C8orf34: variants seen among roughly 807,000 people sequenced by gnomAD.
The protein encoded by C8orf34 is chromosome 8 open reading frame 34, also known as uncharacterized protein C8orf34.
A neutral mutation model predicts 68.3 loss-of-function variants in C8orf34; 65 were observed. The ratio of observed to expected loss-of-function variants is 0.95; its 90% CI spans 0.78 to 1.17. The LOEUF (loss-of-function observed/expected upper bound fraction) is 1.17. Ranked by LOEUF, C8orf34 falls within the 50% of genes most tolerant of loss-of-function variation. The pLI is 0.00. For missense variants in C8orf34, 664 were observed against 655.4 expected, an observed-to-expected ratio of 1.01 and a Z score of -0.14; for synonymous variants, 244 against 241.2, an observed-to-expected ratio of 1.01 and a Z score of -0.11.
At chr8:68,456,375 G>A (rs1211869177) in intron 3 of C8orf34, among the ~76,000 whole-genome samples, 1 of 152,172 alleles carries the variant, frequency 6.6e-6, no homozygotes, top group Non-Finnish European at 1.5e-5. Context: ...GAGCTTGGTA[G>A]AATGTAATAT....
chr8:68,791,184 C>T, intron 12 of C8orf34: 2 of 408,474 alleles, frequency 4.9e-6, no homozygotes, highest in Non-Finnish European at 8.6e-6. Context: ...CACAGTTCCC[C>T]ATGTCTGGGG....
chr8:68,520,509 G>A (rs1425066469), intron 5 of C8orf34, among the ~76,000 whole-genome samples: 8 of 152,008 alleles, frequency 5.3e-5, no homozygotes, highest in Admixed American at 3.9e-4. Context: ...GGAGTGCAGT[G>A]GCACGATCTC....
At chr8:68,642,961 G>T (rs1819055649) in intron 8 of C8orf34, among the ~76,000 whole-genome samples, 1 of 152,186 alleles carries the variant, frequency 6.6e-6, no homozygotes, top group African/African-American at 2.4e-5. Flanking sequence ...ATCTATGGCT[G>T]ATCTGACAGG....
chr8:68,481,853 A>G (rs919711805), intron 4 of C8orf34, among the ~76,000 whole-genome samples: 1 of 152,164 alleles, frequency 6.6e-6, no homozygotes, highest in African/African-American at 2.4e-5. Context: ...TGTAGAAGGG[A>G]CTTGCCTTGT....
intron 1 of C8orf34, among the ~76,000 whole-genome samples, chr8:68,349,251 A>C (rs1432877991): frequency 6.6e-6 from 1 of 151,846 alleles, no homozygotes; most frequent in Admixed American, 6.6e-5. Flanking sequence ...TTTTGTCTTT[A>C]GTTCTGTTTA....
intron 7 of C8orf34, among the ~76,000 whole-genome samples, chr8:68,575,370 A>G (rs571597003): frequency 6.6e-6 from 1 of 152,170 alleles, no homozygotes; most frequent in East Asian, 1.9e-4. Context: ...TCTTCAGTTT[A>G]TATTGCAACA....
chr8:68,507,769 C>A (rs948599131), intron 5 of C8orf34, among the ~76,000 whole-genome samples: 1 of 152,166 alleles, frequency 6.6e-6, no homozygotes, highest in East Asian at 1.9e-4. Flanking sequence ...CAGGCTGATG[C>A]TTTTGTCAAT....
At chr8:68,603,521 A>ATATCTATCTTTCTATC (rs1817761640) in intron 7 of C8orf34, among the ~76,000 whole-genome samples, 1 of 140,492 alleles carries the variant, frequency 7.1e-6, no homozygotes, top group Non-Finnish European at 1.5e-5. Context: ...ATATATACAT[A>ATATCTATCTTTCTATC]TATCTATCTA....
chr8:68,413,205 C>T (rs2129622392), intron 1 of C8orf34, among the ~76,000 whole-genome samples: 1 of 152,272 alleles, frequency 6.6e-6, no homozygotes, highest in East Asian at 1.9e-4. Context: ...TTTCACGTTT[C>T]CCTTTTCTCA....
rs116937749 is a variant in C8orf34, at chr8:68,609,250, T to C, written c.1106-31126T>C. 8.5e-3 allele frequency among the ~76,000 whole-genome samples: 1,298 copies of C among 151,906 alleles called. 12 individuals are homozygous for C. Among genetic ancestry groups the C allele is most frequent in the Middle Eastern group, 0.031 (9 of 292 alleles). ...AGGAGAGTTGAGAGTGGAATAGGAG[T>C]CAAAACAATCCCTAACTTCTGTGTT... On this transcript the variant is annotated intron_variant, in intron 7 of 13. Transcript: ENST00000518698.
At position 68,446,468 on chromosome 8, in the gene C8orf34, A is replaced by C; in HGVS notation, c.607+8A>C. The C allele has an allele frequency of 6.2e-7, 1 of 1,609,596 alleles. No individual in the cohort carries two copies. The highest frequency in any genetic ancestry group is 1.3e-5 in the African/African-American group (1 of 74,804). On this transcript the variant is annotated splice_region_variant and intron_variant, in intron 3 of 13. Transcript: ENST00000518698. ...CACCGGACTCCAAATCATGTAAGGA[A>C]GTCTCTTATTCAAATGCTATTCAAA...
At chr8:68,774,325 G>GTATATATATATATATATATA in intron 10 of C8orf34, among the ~76,000 whole-genome samples, 1 of 39,250 alleles carries the variant, frequency 2.5e-5, no homozygotes, top group South Asian at 6.7e-4. Flanking sequence ...AAATATGGGT[G>GTATATATATATATATATATA]TGTGTGTATA....
chr8:68,549,600 T>G (rs1352233552), intron 7 of C8orf34, among the ~76,000 whole-genome samples: 1 of 151,784 alleles, frequency 6.6e-6, no homozygotes. Context: ...TATATAAAAA[T>G]CATGTCTGCA....
At position 68,727,532 on chromosome 8, in the gene C8orf34, T is replaced by C. The variant is rs541345115; in HGVS notation, c.1404+6095T>C. Among the ~76,000 whole-genome samples the C allele has an allele frequency of 1.3e-4, 20 of 152,334 alleles. No individual in the cohort carries two copies. In the East Asian group the frequency reaches 3.5e-3, roughly 26 times the overall value. ...CCCAGTAGGGACTCTGTGTGGGGGC[T>C]CCACCCCTACATTTCCCTTCTGCAC... On this transcript the variant is annotated intron_variant, in intron 10 of 13. Coordinates refer to ENST00000518698, the MANE Select transcript of C8orf34 (RefSeq NM_052958.4).
intron 1 of C8orf34, among the ~76,000 whole-genome samples, chr8:68,355,407 C>A (rs1489859093): frequency 6.6e-6 from 1 of 152,094 alleles, no homozygotes; most frequent in African/African-American, 2.4e-5. Context: ...TCTTCATCTG[C>A]AAAATAATAC....
intron 12 of C8orf34, among the ~76,000 whole-genome samples, chr8:68,811,859 T>C (rs947894501): frequency 5.9e-5 from 9 of 152,226 alleles, no homozygotes; most frequent in African/African-American, 1.7e-4. Flanking sequence ...TAAATATTTT[T>C]TCCCAAGAAT....
At chr8:68,721,090 A>G (rs1235340429) in intron 9 of C8orf34, among the ~76,000 whole-genome samples, 2 of 152,142 alleles carry the variant, frequency 1.3e-5, no homozygotes, top group East Asian at 3.9e-4. Context: ...TAATATGCCA[A>G]AATATCTTGC....
At position 68,742,146 on chromosome 8, in the gene C8orf34, C is replaced by T. The variant is rs1822313308; in HGVS notation, c.1404+20709C>T. 2.0e-5 allele frequency among the ~76,000 whole-genome samples: 3 copies of T among 152,160 alleles called. No individual in the cohort carries two copies. The South Asian group carries it at 6.2e-4, about 32-fold the overall frequency. On this transcript the variant is annotated intron_variant, in intron 10 of 13. Coordinates refer to ENST00000518698, the MANE Select transcript of C8orf34 (RefSeq NM_052958.4). ...TTCTAACTCCATCAGTCCCACTCTTCCTCTTCTTTGATTTCCCTAAGAACT... is the reference window on the plus strand; with the variant it reads ...TTCTAACTCCATCAGTCCCACTCTTTCTCTTCTTTGATTTCCCTAAGAACT...
rs1259691578 is a variant in C8orf34, at chr8:68,340,106, T to C, written c.327+8767T>C. On this transcript the variant is annotated intron_variant, in intron 1 of 13. Transcript: ENST00000518698. ...TGTCTGAAGTTAAAAAGACTGACTT[T>C]AATAAGCATTGGTGAAGATTTGAAG... Among the ~76,000 whole-genome samples the C allele has an allele frequency of 4.6e-5, 7 of 152,200 alleles. No individual in the cohort carries two copies. In the East Asian group the frequency reaches 1.3e-3, roughly 29 times the overall value.
Sources: gnomAD v4.1 joint callset for allele counts (sites outside exome capture counted in the v4.1 genomes callset) on GRCh38, gnomAD v4.1.1 for gene constraint, MANE v1.5 for transcripts, NCBI Gene and HGNC (gene_info 2026-07-23, HGNC 2026-07-21) for gene names.